Variants in COPG1 observed in about 807,000 individuals in gnomAD.
The protein encoded by COPG1 is coat protein complex I subunit gamma 1, also known as coatomer subunit gamma-1.
In COPG1, 29 loss-of-function variants were observed where a neutral mutation model predicts 102.8. The ratio of observed to expected loss-of-function variants is 0.28; its 90% CI spans 0.21 to 0.38. The LOEUF is 0.38. COPG1 is among the 10% of genes least tolerant of loss of function. COPG1 has a pLI of 1.00. For missense variants in COPG1, 875 were observed against 1,132.7 expected (o/e 0.77, Z 3.27); for synonymous variants, 406 against 421.6 (o/e 0.96, Z 0.45).
chr3:129,257,967 A>G (rs1939849638), intron 10 of COPG1, 107 bp downstream of exon 10: 4 of 1,428,334 alleles, frequency 2.8e-6, no homozygotes, highest in Non-Finnish European at 9.5e-7. Context: ...ACAAGTGTTA[A>G]GGAGTCTGTA....
intron 13 of COPG1, among the ~76,000 whole-genome samples, chr3:129,265,113 G>A (rs369709459): frequency 3.4e-5 from 5 of 148,588 alleles, no homozygotes; most frequent in African/African-American, 7.5e-5. Flanking sequence ...GAGCCACTGC[G>A]CCCGGCCTCC....
At chr3:129,250,063 G>A (rs1403600894) in intron 1 of COPG1, among the ~76,000 whole-genome samples, 2 of 152,166 alleles carry the variant, frequency 1.3e-5, no homozygotes, top group Non-Finnish European at 2.9e-5. Flanking sequence ...CAACCTCTTG[G>A]GATTCGCTGG....
At position 129,272,323 on chromosome 3, in the gene COPG1, T is replaced by A. The variant is rs1243002047; in HGVS notation, c.2066T>A (p.Val689Glu). The A allele has an allele frequency of 6.2e-7, 1 of 1,613,956 alleles. No homozygotes were observed. The highest frequency in any genetic ancestry group is 2.2e-5 in the East Asian group (1 of 44,870). The change falls in exon 20 of 24, where the codon GTG becomes GAG. Residue 689 changes from valine to glutamate, a missense_variant. Val to Glu is a moderately radical substitution (Grantham distance 121). Coordinates refer to ENST00000314797, the MANE Select transcript of COPG1 (RefSeq NM_016128.4). ...VQMEPTEAYE[V>E]LCYVPARSLP... is the part of the protein sequence containing the mutation. ...ATGGAGCCCACTGAGGCCTATGAGGTGCTCTGTTACGTGCCTGCCCGGAGC... is the reference window on the plus strand; with the variant it reads ...ATGGAGCCCACTGAGGCCTATGAGGAGCTCTGTTACGTGCCTGCCCGGAGC...
At position 129,271,897 on chromosome 3, in the gene COPG1, C is replaced by T; in HGVS notation, c.1974C>T (p.His658=). Residue 658 remains histidine, a synonymous_variant, in exon 19 of 24, where the codon CAC becomes CAT. Transcript: ENST00000314797. The surrounding 1 kb of genome is among the most constrained non-coding windows in gnomAD (Gnocchi z 4.7). ...IRCTKHTFTN[H]MVFQFDCTNT... ...GCACCAAACACACCTTCACCAACCA[C>T]ATGGTTTTTCAGGTGAGCAAGGTGG... 1 of 1,614,058 alleles carries T rather than the reference C, an allele frequency of 6.2e-7. No individual in the cohort carries two copies. The highest frequency in any genetic ancestry group is 2.2e-5 in the East Asian group (1 of 44,878).
At position 129,260,678 on chromosome 3, in the gene COPG1, C is replaced by T. The variant is rs752186723; in HGVS notation, c.999C>T (p.Val333=). 1 of 1,614,114 alleles carries T rather than the reference C, an allele frequency of 6.2e-7. No homozygotes were observed. The highest frequency in any genetic ancestry group is 1.1e-5 in the South Asian group (1 of 91,070). The part of the protein sequence containing the change: ...TACNLDLENL[V]TDSNRSIATL... Reference sequence around the variant, plus strand: ...GTAATCTGGATCTGGAGAACCTGGTCACAGATTCAAACCGCAGCATTGCCA... The same window carrying T: ...GTAATCTGGATCTGGAGAACCTGGTTACAGATTCAAACCGCAGCATTGCCA... The change falls in exon 12 of 24, where the codon GTC becomes GTT. Residue 333 remains valine, a synonymous_variant. Coordinates refer to ENST00000314797, the MANE Select transcript of COPG1 (RefSeq NM_016128.4).
chr3:129,249,782 A>T (rs775691589), intron 1 of COPG1, 36 bp downstream of exon 1: 3 of 1,512,812 alleles, frequency 2.0e-6, no homozygotes, highest in Non-Finnish European at 2.7e-6. Flanking sequence ...GGGAGGCCGG[A>T]CCCCCACCCG....
At chr3:129,252,774 CCAGT>C in intron 4 of COPG1, 80 bp downstream of exon 4, 1 of 1,540,958 alleles carries the variant, frequency 6.5e-7, no homozygotes, top group Non-Finnish European at 9.0e-7. Context: ...GCTGGCCCCA[CCAGT>C]CAGTGTGGGC....
chr3:129,269,067 G>C (rs1200998547), intron 18 of COPG1, 67 bp downstream of exon 18: 1 of 1,366,804 alleles, frequency 7.3e-7, no homozygotes, highest in Non-Finnish European at 1.0e-6. Flanking sequence ...TCAAGAGTAA[G>C]AACTGTCATA....
chr3:129,260,295 T>A (rs1451894533), intron 10 of COPG1, 38 bp from the exon 11 acceptor site: 1 of 1,602,758 alleles, frequency 6.2e-7, no homozygotes, highest in Admixed American at 1.7e-5. Flanking sequence ...TGCCCAGCAG[T>A]GAAGGCAACC....
chr3:129,271,772 T>C lies in COPG1; in HGVS notation c.1849T>C (p.Leu617=). Residue 617 remains leucine (L), a synonymous_variant, in exon 19 of 24, where the codon TTG becomes CTG. Transcript: ENST00000314797. This position sits in a 1 kb window ranked among gnomAD's most constrained non-coding sequence, Gnocchi z 4.7. ...ATRQEIFQEQ[L]AAVPEFRGLG... ...ATGTGGCCTGTGGATTTCAGAGCAG[T>C]TGGCAGCAGTGCCAGAGTTCCGCGG... The C allele has an allele frequency of 1.9e-6, 3 of 1,614,154 alleles. No individual in the cohort carries two copies. Among genetic ancestry groups the C allele is most frequent in the Non-Finnish European group, 2.5e-6 (3 of 1,180,002 alleles).
chr3:129,249,611 G>A lies in COPG1; in HGVS notation c.-99G>A. 1.4e-6 allele frequency: 2 copies of A among 1,390,298 alleles called. No individual in the cohort carries two copies. The highest frequency in any genetic ancestry group is 4.3e-5 in the Admixed American group (2 of 46,448). The allele number at this position is 1,390,298 out of a possible 1,614,324, so 86.1% of individuals were successfully genotyped here. A position where few individuals can be genotyped will look rare whatever the true frequency, so the allele number is the denominator to read the frequency against. ...GAGCGCTGGGCGACGTGGCCAGTCGGGGCCCGGAAGTGGTCCCTGTAGAAC... is the reference window on the plus strand; with the variant it reads ...GAGCGCTGGGCGACGTGGCCAGTCGAGGCCCGGAAGTGGTCCCTGTAGAAC... On this transcript the variant is annotated 5_prime_UTR_variant, in exon 1 of 24. Transcript: ENST00000314797.
rs765216999 is a variant in COPG1, at chr3:129,267,006, T to G, written c.1469-18T>G. The G allele has an allele frequency of 4.3e-6, 7 of 1,611,692 alleles. No individual in the cohort carries two copies. The highest frequency in any genetic ancestry group is 1.6e-4 in the Middle Eastern group (1 of 6,070). On this transcript the variant is annotated intron_variant, in intron 14 of 23. Transcript: ENST00000314797. The stretch of plus-strand genomic sequence containing the variant: ...GTCAGGGTGCATTGGGTAAATCACA[T>G]TCGCTTCCTAAACACAGGTGCTGTG...
At chr3:129,250,847 G>T in intron 2 of COPG1, 113 bp downstream of exon 2, 1 of 832,800 alleles carries the variant, frequency 1.2e-6, no homozygotes. Flanking sequence ...GAGAAAACTT[G>T]TGCCTGGAAG....
chr3:129,267,276 C>A, intron 15 of COPG1, 177 bp downstream of exon 15: 1 of 490,006 alleles, frequency 2.0e-6, no homozygotes, highest in Non-Finnish European at 3.6e-6. Context: ...CAAATTGCAC[C>A]AACCAGATGT....
intron 13 of COPG1, among the ~76,000 whole-genome samples, chr3:129,265,252 C>A (rs1405532009): frequency 8.5e-5 from 13 of 152,082 alleles, no homozygotes; most frequent in Non-Finnish European, 7.4e-5. Flanking sequence ...CCACCATGCC[C>A]AACTAATTTT....
chr3:129,269,058 C>A, intron 18 of COPG1, 58 bp downstream of exon 18: 1 of 1,444,112 alleles, frequency 6.9e-7, no homozygotes, highest in Non-Finnish European at 9.7e-7. Context: ...TCAGGGGGTT[C>A]AAGAGTAAGA....
intron 18 of COPG1, among the ~76,000 whole-genome samples, chr3:129,270,278 G>T (rs12163539): frequency 0.018 from 2,671 of 151,950 alleles, 76 homozygotes; most frequent in East Asian, 0.11. Flanking sequence ...CTCCTAAGCC[G>T]CTTAAAGGGT....
At chr3:129,263,137 G>A (rs1939974394) in intron 12 of COPG1, among the ~76,000 whole-genome samples, 2 of 152,148 alleles carry the variant, frequency 1.3e-5, no homozygotes, top group African/African-American at 4.8e-5. Context: ...TAGGAGAGGT[G>A]GGACAGTGCA....
chr3:129,257,990 C>T, intron 10 of COPG1, 130 bp downstream of exon 10: 1 of 1,140,306 alleles, frequency 8.8e-7, no homozygotes, highest in Non-Finnish European at 1.2e-6. Flanking sequence ...TAGGAAGCAC[C>T]TGCCCCAGAC....
Sources: allele counts gnomAD v4.1 joint callset (sites outside exome capture counted in the v4.1 genomes callset), GRCh38; gene constraint gnomAD v4.1.1; non-coding constraint Gnocchi (gnomAD v3.1); transcripts MANE v1.5; gene names NCBI Gene and HGNC (gene_info 2026-07-23, HGNC 2026-07-21).